KAT6B: variants seen among roughly 807,000 people sequenced by gnomAD.
KAT6B encodes the protein lysine acetyltransferase 6B.
A neutral mutation model predicts 187.5 loss-of-function variants in KAT6B; 10 were observed. That is an observed-to-expected ratio of 0.05 (90% CI 0.03 to 0.09). The LOEUF is 0.09. Ranked by LOEUF, KAT6B falls within the 10% of genes least tolerant of loss-of-function variation. The pLI is 1.00. For synonymous variants in KAT6B, 861 were observed against 926.8 expected (o/e 0.93, Z 1.29); for missense variants, 1,952 against 2,558.9 (o/e 0.76, Z 5.12).
chr10:74,895,065 T>G (rs1344723595), intron 3 of KAT6B, among the ~76,000 whole-genome samples: 3 of 151,302 alleles, frequency 2.0e-5, no homozygotes, highest in Non-Finnish European at 2.9e-5. Flanking sequence ...ACACTTGGTT[T>G]TTTTTTTTTT....
chr10:74,985,076 C>G lies in KAT6B; in HGVS notation c.2374-4C>G. ...AAATAATGTTGTCTGTTTCTTTTTG[C>G]TAGGTTGATGGGAATATGAGCAAAA... is the stretch of plus-strand genomic sequence containing the variant. On this transcript the variant is annotated splice_polypyrimidine_tract_variant and splice_region_variant and intron_variant, in intron 11 of 17. Coordinates refer to ENST00000287239, the MANE Select transcript of KAT6B (RefSeq NM_012330.4). The G allele has an allele frequency of 2.5e-6, 4 of 1,613,232 alleles. No individual in the cohort carries two copies. The highest frequency in any genetic ancestry group is 3.4e-6 in the Non-Finnish European group (4 of 1,179,298).
At chr10:74,983,173 A>G (rs538736303) in intron 11 of KAT6B, 1 of 152,306 alleles carries the variant, frequency 6.6e-6, no homozygotes, top group African/African-American at 2.4e-5. Context: ...AAAGCTAGGC[A>G]CTTTTGACAT....
intron 13 of KAT6B, among the ~76,000 whole-genome samples, chr10:75,005,584 G>T (rs1589795019): frequency 6.6e-6 from 1 of 152,108 alleles, no homozygotes; most frequent in Non-Finnish European, 1.5e-5. Flanking sequence ...TTGGTTGGTT[G>T]TTGGTTTTTT....
chr10:74,943,850 A>G (rs1849880971), intron 3 of KAT6B, among the ~76,000 whole-genome samples: 1 of 152,250 alleles, frequency 6.6e-6, no homozygotes, highest in Non-Finnish European at 1.5e-5. Context: ...AAGGCAAGCC[A>G]CAAACTGGGA....
At chr10:74,998,284 G>T (rs1035285454) in intron 13 of KAT6B, among the ~76,000 whole-genome samples, 3 of 152,004 alleles carry the variant, frequency 2.0e-5, no homozygotes, top group African/African-American at 7.2e-5. Flanking sequence ...ATTCATTCTA[G>T]GGAAATCAGC....
chr10:74,942,765 C>CAAAAAAA lies in KAT6B; in HGVS notation c.622-17184_622-17178dup, dbSNP rs56276008. 2.8e-3 allele frequency among the ~76,000 whole-genome samples: 26 copies of CAAAAAAA among 9,364 alleles called. 10 individuals are homozygous for CAAAAAAA. The highest frequency in any genetic ancestry group is 0.022 in the East Asian group (6 of 274). 6.1% of individuals were successfully genotyped at this position (9,364 alleles called of 152,430 possible). A position where few individuals can be genotyped will look rare whatever the true frequency, so the allele number is the denominator to read the frequency against. On this transcript the variant is annotated intron_variant, in intron 3 of 17. Coordinates refer to ENST00000287239, the MANE Select transcript of KAT6B (RefSeq NM_012330.4). ...AGGCAACAAGAGCGAAACTCCATCG[C>CAAAAAAA]AAAAAAAAAAAAAAAAAAAAAAAAA... is the stretch of plus-strand genomic sequence containing the variant.
intron 3 of KAT6B, among the ~76,000 whole-genome samples, chr10:74,921,520 A>G (rs1198139769): frequency 1.3e-5 from 2 of 152,180 alleles, no homozygotes; most frequent in East Asian, 3.8e-4. Context: ...CTAACCACTG[A>G]GTAAGAAGGA....
intron 3 of KAT6B, among the ~76,000 whole-genome samples, chr10:74,908,329 G>A (rs1268049804): frequency 2.0e-5 from 3 of 152,072 alleles, no homozygotes; most frequent in African/African-American, 4.8e-5. Context: ...TTGGGAGGCC[G>A]AGGCGGGCAG....
intron 3 of KAT6B, among the ~76,000 whole-genome samples, chr10:74,946,632 A>C (rs552160972): frequency 6.6e-6 from 1 of 152,336 alleles, no homozygotes; most frequent in Admixed American, 6.5e-5. Flanking sequence ...CCTACATAAA[A>C]AAATCATAGT....
At chr10:74,981,306 T>TCTTTCTTCCTTCCTTCCTTCCTTCCTTC in intron 10 of KAT6B, among the ~76,000 whole-genome samples, 1 of 139,944 alleles carries the variant, frequency 7.1e-6, no homozygotes, top group African/African-American at 3.1e-5. Flanking sequence ...TTTCTTTCTT[T>TCTTTCTTCCTTCCTTCCTTCCTTCCTTC]CTTCCTTCCT....
chr10:74,893,377 A>C (rs963969233), intron 3 of KAT6B, among the ~76,000 whole-genome samples: 1 of 152,144 alleles, frequency 6.6e-6, no homozygotes, highest in Non-Finnish European at 1.5e-5. Flanking sequence ...ATTTAGACTA[A>C]ATAGACTTTT....
rs190271093 is a variant in KAT6B at position 74,979,921 on chromosome 10, G to C, written c.2231+582G>C. 4.2e-3 allele frequency among the ~76,000 whole-genome samples: 635 copies of C among 152,346 alleles called. 4 individuals are homozygous for C. The highest frequency in any genetic ancestry group is 0.01 in the Middle Eastern group (3 of 294). On this transcript the variant is annotated intron_variant, in intron 10 of 17. Transcript: ENST00000287239. ...CTCCTGTAATCCCATCACTTTGGGA[G>C]GCCAAGGTGGGTGGATCACCTGAGG...
At chr10:74,890,051 T>G (rs1201547444) in intron 3 of KAT6B, among the ~76,000 whole-genome samples, 1 of 152,018 alleles carries the variant, frequency 6.6e-6, no homozygotes, top group African/African-American at 2.4e-5. Flanking sequence ...TTTTTTTTTT[T>G]TTTTTAAGAC....
intron 3 of KAT6B, 30 bp downstream of exon 3, chr10:74,843,508 T>C: frequency 6.2e-7 from 1 of 1,611,650 alleles, no homozygotes; most frequent in Non-Finnish European, 8.5e-7. Flanking sequence ...TCGTGCATTC[T>C]CACTACTGTC....
chr10:74,838,351 T>C (rs1302728010), intron 1 of KAT6B, among the ~76,000 whole-genome samples: 1 of 152,166 alleles, frequency 6.6e-6, no homozygotes, highest in Non-Finnish European at 1.5e-5. Context: ...TGAGTAGTAG[T>C]GGGTTTTTGT....
At chr10:74,927,387 C>T (rs763277871) in intron 3 of KAT6B, among the ~76,000 whole-genome samples, 4 of 151,092 alleles carry the variant, frequency 2.6e-5, no homozygotes, top group East Asian at 3.9e-4. Flanking sequence ...GAGATCTGAA[C>T]TGGGGAGCCA....
At chr10:74,895,774 C>T (rs755779146) in intron 3 of KAT6B, among the ~76,000 whole-genome samples, 3 of 151,998 alleles carry the variant, frequency 2.0e-5, no homozygotes, top group Non-Finnish European at 2.9e-5. Context: ...TCTTGGGATT[C>T]GAGTGCTGGG....
intron 3 of KAT6B, among the ~76,000 whole-genome samples, chr10:74,919,139 C>T (rs1447988918): frequency 6.6e-6 from 1 of 152,034 alleles, no homozygotes; most frequent in African/African-American, 2.4e-5. Context: ...AGGAGAATTA[C>T]CTGAACCTGG....
chr10:74,897,698 T>C (rs892863920), intron 3 of KAT6B, among the ~76,000 whole-genome samples: 2 of 152,254 alleles, frequency 1.3e-5, no homozygotes, highest in East Asian at 3.8e-4. Flanking sequence ...GATTTTTAAA[T>C]ACTTTCACCT....
Sources: allele counts gnomAD v4.1 joint callset (sites outside exome capture counted in the v4.1 genomes callset), GRCh38; gene constraint gnomAD v4.1.1; transcripts MANE v1.5; gene names NCBI Gene and HGNC (gene_info 2026-07-23, HGNC 2026-07-21).